The following KLF12 variants were observed in gnomAD, a reference collection of about 807,000 sequenced individuals.
The protein encoded by KLF12 is KLF transcription factor 12, also known as Krueppel-like factor 12.
Under a neutral mutation model 37.8 loss-of-function variants are expected in KLF12, and 9 were observed. The ratio of observed to expected loss-of-function variants is 0.24; its 90% CI spans 0.14 to 0.42. The LOEUF is 0.42. Ranked by LOEUF, KLF12 falls within the 10% of genes least tolerant of loss-of-function variation. The pLI is 1.00. For missense variants in KLF12, 411 were observed against 516.0 expected, an observed-to-expected ratio of 0.80 and a Z score of 1.97; for synonymous variants, 208 against 202.1, an observed-to-expected ratio of 1.03 and a Z score of -0.25.
chr13:74,065,238 A>G (rs992425453), intron 1 of KLF12, among the ~76,000 whole-genome samples: 1 of 151,690 alleles, frequency 6.6e-6, no homozygotes, highest in African/African-American at 2.4e-5. Context: ...ATATATATAT[A>G]TACACACTGT....
chr13:74,026,234 G>A, intron 1 of KLF12, among the ~76,000 whole-genome samples: 1 of 151,182 alleles, frequency 6.6e-6, no homozygotes, highest in Middle Eastern at 3.3e-3. Context: ...CAAAATATAT[G>A]TGTAGAAAAA....
chr13:74,228,917 T>G, the KLF12 span, among the ~76,000 whole-genome samples: 1 of 151,574 alleles, frequency 6.6e-6, no homozygotes, highest in South Asian at 2.1e-4. Flanking sequence ...AATCAAACAC[T>G]GCTGCTCCAA....
chr13:74,080,963 T>C (rs776747438), intron 1 of KLF12, among the ~76,000 whole-genome samples: 23 of 152,316 alleles, frequency 1.5e-4, no homozygotes, highest in Non-Finnish European at 2.4e-4. Flanking sequence ...CCTAGTCCAC[T>C]GACAGCAGCT....
At chr13:73,804,497 G>A (rs1475189232) in intron 5 of KLF12, among the ~76,000 whole-genome samples, 1 of 151,940 alleles carries the variant, frequency 6.6e-6, no homozygotes, top group East Asian at 1.9e-4. Flanking sequence ...AATATGTATG[G>A]GCATATGGTC....
intron 1 of KLF12, among the ~76,000 whole-genome samples, chr13:74,019,529 T>A (rs1238231075): frequency 6.6e-6 from 1 of 152,240 alleles, no homozygotes; most frequent in African/African-American, 2.4e-5. Context: ...ATAATAGGTC[T>A]TTTTAACTTA....
chr13:74,224,439 A>G, the KLF12 span, among the ~76,000 whole-genome samples: 3 of 152,172 alleles, frequency 2.0e-5, no homozygotes, highest in Non-Finnish European at 2.9e-5. Flanking sequence ...AAGCCAGCCC[A>G]TCAACCAACC....
intron 3 of KLF12, among the ~76,000 whole-genome samples, chr13:73,885,963 A>G (rs1887204210): frequency 1.3e-5 from 2 of 152,234 alleles, no homozygotes; most frequent in Admixed American, 1.3e-4. Context: ...ATTTTGGCTT[A>G]CAAAACTCGA....
At chr13:73,861,979 CATATT>C (rs1213489609) in intron 3 of KLF12, among the ~76,000 whole-genome samples, 1 of 151,216 alleles carries the variant, frequency 6.6e-6, no homozygotes, top group Non-Finnish European at 1.5e-5. Flanking sequence ...CCTAGCCCTT[CATATT>C]ATAAGTATTA....
At chr13:73,791,461 T>C (rs1165065223) in intron 5 of KLF12, among the ~76,000 whole-genome samples, 2 of 152,194 alleles carry the variant, frequency 1.3e-5, no homozygotes, top group Non-Finnish European at 2.9e-5. Context: ...AAAATATATA[T>C]TGTCTTCTTT....
intron 2 of KLF12, among the ~76,000 whole-genome samples, chr13:73,966,604 T>G (rs1284646800): frequency 6.6e-6 from 1 of 152,168 alleles, no homozygotes; most frequent in East Asian, 1.9e-4. Flanking sequence ...TAGCTCCATG[T>G]GCAAAAAGAC....
intron 6 of KLF12, among the ~76,000 whole-genome samples, chr13:73,729,236 T>C (rs1876881549): frequency 6.6e-6 from 1 of 152,238 alleles, no homozygotes; most frequent in Non-Finnish European, 1.5e-5. Flanking sequence ...TCATGTGTTA[T>C]TTACTTTCCC....
At chr13:73,960,181 C>A (rs1209293874) in intron 2 of KLF12, among the ~76,000 whole-genome samples, 1 of 152,078 alleles carries the variant, frequency 6.6e-6, no homozygotes, top group Non-Finnish European at 1.5e-5. Context: ...ATGAGACATT[C>A]AAACCACCAA....
At chr13:73,846,731 A>G (rs891110931) in intron 3 of KLF12, among the ~76,000 whole-genome samples, 3 of 152,192 alleles carry the variant, frequency 2.0e-5, no homozygotes, top group Non-Finnish European at 4.4e-5. Flanking sequence ...ATTACCTGGC[A>G]ACAATAGTGG....
the KLF12 span, among the ~76,000 whole-genome samples, chr13:74,233,865 T>G: frequency 6.6e-6 from 1 of 152,174 alleles, no homozygotes; most frequent in Non-Finnish European, 1.5e-5. Flanking sequence ...ATCATTTGCT[T>G]TCTATATACC....
chr13:73,716,380 A>C (rs1174738260), intron 6 of KLF12, among the ~76,000 whole-genome samples: 1 of 152,206 alleles, frequency 6.6e-6, no homozygotes, highest in Non-Finnish European at 1.5e-5. Flanking sequence ...GATATGATAA[A>C]AAAGCAGTCA....
intron 4 of KLF12, among the ~76,000 whole-genome samples, chr13:73,823,866 A>T (rs900574951): frequency 6.6e-6 from 1 of 152,070 alleles, no homozygotes; most frequent in Admixed American, 6.6e-5. Context: ...GCATGCCACC[A>T]TGCCCAGATT....
chr13:74,245,480 G>T, the KLF12 span, among the ~76,000 whole-genome samples: 56 of 152,238 alleles, frequency 3.7e-4, no homozygotes, highest in Admixed American at 5.2e-4. Context: ...AAACAAAGCA[G>T]ATCTAGTAGG....
At chr13:74,078,257 C>T (rs768807216) in intron 1 of KLF12, among the ~76,000 whole-genome samples, 30 of 152,184 alleles carry the variant, frequency 2.0e-4, no homozygotes, top group Non-Finnish European at 4.3e-4. Flanking sequence ...TAACTTTTTA[C>T]AATTAGTCTC....
At chr13:74,172,388 T>C in the KLF12 span, among the ~76,000 whole-genome samples, 1 of 152,146 alleles carries the variant, frequency 6.6e-6, no homozygotes, top group Non-Finnish European at 1.5e-5. Flanking sequence ...AATAAAAATA[T>C]ATTATTCTAT....
Sources: gnomAD v4.1 joint callset for allele counts (sites outside exome capture counted in the v4.1 genomes callset) on GRCh38, gnomAD v4.1.1 for gene constraint, MANE v1.5 for transcripts, NCBI Gene and HGNC (gene_info 2026-07-23, HGNC 2026-07-21) for gene names.